Variants in CACNA2D3 observed in about 807,000 individuals in gnomAD.
The protein encoded by CACNA2D3 is calcium voltage-gated channel auxiliary subunit alpha2delta 3.
Under a neutral mutation model 160.6 loss-of-function variants are expected in CACNA2D3, and 60 were observed. That is an observed-to-expected ratio of 0.37 (90% confidence interval 0.30 to 0.46). The LOEUF is 0.46. Among genes scored for constraint, CACNA2D3 ranks in the 20% least tolerant of loss-of-function variants. The pLI, the probability that CACNA2D3 is intolerant of heterozygous loss-of-function variation, is 1.00. For synonymous variants in CACNA2D3, 558 were observed against 492.9 expected (o/e 1.13, Z -1.75); for missense variants, 1,205 against 1,365.0 (o/e 0.88, Z 1.85).
At chr3:54,317,982 G>A (rs1220012709) in intron 2 of CACNA2D3, among the ~76,000 whole-genome samples, 1 of 152,150 alleles carries the variant, frequency 6.6e-6, no homozygotes, top group Non-Finnish European at 1.5e-5. Context: ...CTGTATTGGG[G>A]ATTAAGTTTC....
At chr3:54,734,567 C>A (rs2107021259) in intron 11 of CACNA2D3, among the ~76,000 whole-genome samples, 1 of 152,318 alleles carries the variant, frequency 6.6e-6, no homozygotes, top group East Asian at 1.9e-4. Context: ...ACTGATTTAT[C>A]TTGGTGCGTG....
At chr3:54,231,348 C>T (rs561537589) in intron 2 of CACNA2D3, among the ~76,000 whole-genome samples, 2 of 152,332 alleles carry the variant, frequency 1.3e-5, no homozygotes, top group African/African-American at 4.8e-5. Flanking sequence ...AGCACAGATC[C>T]ACCATACCTG....
At chr3:54,561,574 C>G (rs1364482595) in intron 5 of CACNA2D3, among the ~76,000 whole-genome samples, 1 of 152,154 alleles carries the variant, frequency 6.6e-6, no homozygotes. Context: ...TTATTTCTTT[C>G]TCTTGCCTGA....
At chr3:54,583,903 TA>T (rs955941654) in intron 9 of CACNA2D3, among the ~76,000 whole-genome samples, 454 of 140,820 alleles carry the variant, frequency 3.2e-3, no homozygotes, top group Admixed American at 3.6e-3. Context: ...AGGCACAGAT[TA>T]AAAAAAAAAA....
intron 9 of CACNA2D3, among the ~76,000 whole-genome samples, chr3:54,606,649 A>G (rs1047871660): frequency 6.6e-6 from 1 of 152,066 alleles, no homozygotes; most frequent in Non-Finnish European, 1.5e-5. Flanking sequence ...ACATGAAGTG[A>G]GTTGAATTCG....
intron 4 of CACNA2D3, among the ~76,000 whole-genome samples, chr3:54,456,502 C>A (rs1223325996): frequency 6.6e-6 from 1 of 151,800 alleles, no homozygotes; most frequent in African/African-American, 2.4e-5. Context: ...AGATCATCTG[C>A]AAACAGATTC....
intron 35 of CACNA2D3, among the ~76,000 whole-genome samples, chr3:55,069,475 T>C (rs983819637): frequency 6.6e-6 from 1 of 152,352 alleles, no homozygotes; most frequent in East Asian, 1.9e-4. Flanking sequence ...GATTTATTCT[T>C]GGGCCTTTTA....
At chr3:54,735,985 A>G (rs1447309610) in intron 11 of CACNA2D3, among the ~76,000 whole-genome samples, 4 of 90,288 alleles carry the variant, frequency 4.4e-5, no homozygotes, top group Admixed American at 3.1e-4. Context: ...ATGCATGTAT[A>G]TATATATACA....
intron 27 of CACNA2D3, among the ~76,000 whole-genome samples, chr3:54,945,065 G>A (rs1294594334): frequency 6.6e-6 from 1 of 152,170 alleles, no homozygotes; most frequent in African/African-American, 2.4e-5. Flanking sequence ...TCTAGGCCTT[G>A]TTTGGGGGCT....
intron 27 of CACNA2D3, among the ~76,000 whole-genome samples, chr3:54,921,068 G>A (rs913332620): frequency 5.9e-5 from 9 of 152,136 alleles, no homozygotes; most frequent in African/African-American, 1.2e-4. Flanking sequence ...TGACCCCCTC[G>A]TCAAATCTGC....
intron 17 of CACNA2D3, 28 bp from the exon 18 acceptor site, chr3:54,871,507 TTTTC>T (rs1699534231): frequency 6.4e-7 from 1 of 1,564,900 alleles, no homozygotes; most frequent in East Asian, 2.2e-5. Flanking sequence ...GGACTTTTGT[TTTTC>T]TTTTCTTTTT....
intron 8 of CACNA2D3, among the ~76,000 whole-genome samples, chr3:54,578,060 C>T (rs1167769107): frequency 6.6e-6 from 1 of 152,182 alleles, no homozygotes; most frequent in African/African-American, 2.4e-5. Context: ...TGGGCCCACT[C>T]CTGTCTTCCT....
At chr3:54,818,468 C>T (rs1703511985) in intron 14 of CACNA2D3, among the ~76,000 whole-genome samples, 1 of 152,224 alleles carries the variant, frequency 6.6e-6, no homozygotes, top group Non-Finnish European at 1.5e-5. Context: ...AGCCACTGCG[C>T]CCAGCCAGCC....
At chr3:54,550,739 G>A (rs559429021) in intron 5 of CACNA2D3, among the ~76,000 whole-genome samples, 17 of 152,228 alleles carry the variant, frequency 1.1e-4, no homozygotes, top group Admixed American at 4.6e-4. Context: ...TCATTTCCCC[G>A]TGGTATAGTG....
intron 14 of CACNA2D3, among the ~76,000 whole-genome samples, chr3:54,828,733 A>G (rs757719121): frequency 2.6e-5 from 4 of 152,232 alleles, no homozygotes; most frequent in Non-Finnish European, 4.4e-5. Flanking sequence ...GTTAAAGTTC[A>G]AAGAGGGAAA....
chr3:54,592,713 G>A (rs1702883811), intron 9 of CACNA2D3, among the ~76,000 whole-genome samples: 1 of 152,170 alleles, frequency 6.6e-6, no homozygotes, highest in South Asian at 2.1e-4. Context: ...CTCTGTTTAA[G>A]ATTCATTTGC....
At chr3:54,671,608 T>C (rs1181229362) in intron 11 of CACNA2D3, among the ~76,000 whole-genome samples, 2 of 152,124 alleles carry the variant, frequency 1.3e-5, no homozygotes, top group African/African-American at 4.8e-5. Flanking sequence ...CCCCAGCAGA[T>C]GGCCAGGTGA....
At chr3:54,828,554 A>G (rs1703794229) in intron 14 of CACNA2D3, among the ~76,000 whole-genome samples, 1 of 152,250 alleles carries the variant, frequency 6.6e-6, no homozygotes, top group Non-Finnish European at 1.5e-5. Flanking sequence ...AAAGGACAGA[A>G]TATCAAAATG....
intron 27 of CACNA2D3, among the ~76,000 whole-genome samples, chr3:54,956,423 G>C (rs1478661683): frequency 1.3e-5 from 2 of 152,164 alleles, no homozygotes; most frequent in African/African-American, 4.8e-5. Flanking sequence ...ACCAGTTTTT[G>C]TTTTAACCTT....
Sources: allele counts gnomAD v4.1 joint callset (sites outside exome capture counted in the v4.1 genomes callset), GRCh38; gene constraint gnomAD v4.1.1; transcripts MANE v1.5; gene names NCBI Gene and HGNC (gene_info 2026-07-23, HGNC 2026-07-21).